CHCHD6: variants seen among roughly 807,000 people sequenced by gnomAD.
The protein encoded by CHCHD6 is MICOS complex subunit MIC25.
A neutral mutation model predicts 32.3 loss-of-function variants in CHCHD6; 28 were observed. The ratio of observed to expected loss-of-function variants is 0.87; its 90% CI spans 0.64 to 1.19. The LOEUF is 1.19. Among genes scored for constraint, CHCHD6 ranks in the 50% most tolerant of loss-of-function variants. The pLI is 0.00. For synonymous variants in CHCHD6, 122 were observed against 117.5 expected, an observed-to-expected ratio of 1.04 and a Z score of -0.25; for missense variants, 333 against 307.0, an observed-to-expected ratio of 1.08 and a Z score of -0.63.
At chr3:126,956,483 G>A (rs1360504485) in intron 6 of CHCHD6, among the ~76,000 whole-genome samples, 4 of 152,228 alleles carry the variant, frequency 2.6e-5, no homozygotes. Context: ...CATGATGAAC[G>A]ATAGTGTCTG....
intron 5 of CHCHD6, among the ~76,000 whole-genome samples, chr3:126,856,000 C>T (rs1025290786): frequency 6.6e-6 from 1 of 152,166 alleles, no homozygotes; most frequent in African/African-American, 2.4e-5. Context: ...CTAACAGGTT[C>T]TACCTGGCAA....
intron 4 of CHCHD6, among the ~76,000 whole-genome samples, chr3:126,768,773 A>G (rs894642938): frequency 6.6e-6 from 1 of 152,146 alleles, no homozygotes; most frequent in Non-Finnish European, 1.5e-5. Context: ...CTGGTGTAAG[A>G]TGGTATCTCA....
At chr3:126,887,526 C>G (rs906689757) in intron 5 of CHCHD6, among the ~76,000 whole-genome samples, 54 of 152,284 alleles carry the variant, frequency 3.5e-4, no homozygotes, top group African/African-American at 1.1e-3. Flanking sequence ...GCTTACTCCC[C>G]CTAGCCCTGT....
chr3:126,946,470 G>A (rs948153876), intron 6 of CHCHD6, among the ~76,000 whole-genome samples: 1 of 152,198 alleles, frequency 6.6e-6, no homozygotes, highest in East Asian at 1.9e-4. Context: ...GCTCGTTTGT[G>A]TCTCAGGCCC....
At chr3:126,741,080 G>A (rs947844259) in intron 4 of CHCHD6, among the ~76,000 whole-genome samples, 2 of 152,128 alleles carry the variant, frequency 1.3e-5, no homozygotes, top group East Asian at 1.9e-4. Flanking sequence ...TATATGTACA[G>A]TGCCTGGTGT....
intron 5 of CHCHD6, among the ~76,000 whole-genome samples, chr3:126,913,026 G>A (rs1022146785): frequency 7.2e-5 from 11 of 152,096 alleles, no homozygotes; most frequent in African/African-American, 2.4e-4. Flanking sequence ...GTGCCTGGTG[G>A]GCGGAGAGAG....
At chr3:126,797,884 AAGAGTAAC>A (rs1333179111) in intron 4 of CHCHD6, among the ~76,000 whole-genome samples, 10 of 152,008 alleles carry the variant, frequency 6.6e-5, no homozygotes, top group Non-Finnish European at 1.2e-4. Flanking sequence ...AAGGAAGAAG[AAGAGTAAC>A]AGGGCGCCTC....
chr3:126,811,935 G>A (rs1267268582), intron 4 of CHCHD6, among the ~76,000 whole-genome samples: 1 of 152,158 alleles, frequency 6.6e-6, no homozygotes, highest in Non-Finnish European at 1.5e-5. Context: ...TAGCCATGCA[G>A]CAACATAGTA....
At chr3:126,764,206 T>C (rs1241164550) in intron 4 of CHCHD6, among the ~76,000 whole-genome samples, 2 of 144,914 alleles carry the variant, frequency 1.4e-5, no homozygotes, top group African/African-American at 5.1e-5. Flanking sequence ...CATGCATATA[T>C]ATATATATAT....
At chr3:126,919,105 A>G (rs917792230) in intron 6 of CHCHD6, among the ~76,000 whole-genome samples, 16 of 152,148 alleles carry the variant, frequency 1.1e-4, no homozygotes, top group African/African-American at 3.9e-4. Flanking sequence ...AACTTGATTT[A>G]TGGTCCAGTA....
Position 126,766,527 on chromosome 3 carries a change from G to C in CHCHD6, c.411+33305G>C, listed in dbSNP as rs1393648002. ...TTGGTGTCACCAAAGAGTGTGAGTA[G>C]CCCATGGTGACCTCTGAGAAAATGC... On this transcript the variant is annotated intron_variant, in intron 4 of 7. Coordinates refer to ENST00000290913, the MANE Select transcript of CHCHD6 (RefSeq NM_032343.3). The C allele has an allele frequency of 6.0e-6, 5 of 829,704 alleles. No homozygotes were observed. In the East Asian group the frequency reaches 1.3e-4, roughly 21 times the overall value. The allele number at this position is 829,704 out of a possible 1,614,324, so 51.4% of individuals were successfully genotyped here. A position where few individuals can be genotyped will look rare whatever the true frequency, so the allele number is the denominator to read the frequency against.
chr3:126,836,831 T>C (rs1374157549), intron 4 of CHCHD6, among the ~76,000 whole-genome samples: 2 of 152,206 alleles, frequency 1.3e-5, no homozygotes, highest in Non-Finnish European at 2.9e-5. Context: ...TCATGGCACA[T>C]GCCCAGGAAG....
chr3:126,831,732 C>T (rs566986131), intron 4 of CHCHD6, among the ~76,000 whole-genome samples: 13 of 152,120 alleles, frequency 8.5e-5, no homozygotes, highest in Non-Finnish European at 1.3e-4. Context: ...AATTTCCGTG[C>T]GAAAGGGGAG....
At chr3:126,959,114 A>G (rs1381884441) in intron 7 of CHCHD6, among the ~76,000 whole-genome samples, 3 of 152,172 alleles carry the variant, frequency 2.0e-5, no homozygotes, top group Non-Finnish European at 4.4e-5. Flanking sequence ...TCTTTAACAA[A>G]CACACCTCAC....
chr3:126,729,756 C>T lies in CHCHD6; in HGVS notation c.197-805C>T, dbSNP rs377159959. Among the ~76,000 whole-genome samples, 52 of 152,252 alleles carry T rather than the reference C, an allele frequency of 3.4e-4. 1 individual carries two copies. The highest frequency in any genetic ancestry group is 3.4e-3 in the Middle Eastern group (1 of 292). On this transcript the variant is annotated intron_variant, in intron 2 of 7. Transcript: ENST00000290913. ...GGTGGAGTCGCACACCCTCATTGAGCGCCTCACACAGCCTGGTTCTTATGT... is the reference window on the plus strand; with the variant it reads ...GGTGGAGTCGCACACCCTCATTGAGTGCCTCACACAGCCTGGTTCTTATGT...
At chr3:126,956,020 G>A (rs1404000349) in intron 6 of CHCHD6, among the ~76,000 whole-genome samples, 1 of 152,188 alleles carries the variant, frequency 6.6e-6, no homozygotes, top group African/African-American at 2.4e-5. Flanking sequence ...CTAAATATGG[G>A]GTCCTGTTCC....
chr3:126,930,413 T>G (rs2078387322), intron 6 of CHCHD6, among the ~76,000 whole-genome samples: 1 of 152,222 alleles, frequency 6.6e-6, no homozygotes, highest in Non-Finnish European at 1.5e-5. Flanking sequence ...ATAGTTCTCT[T>G]GGTATTCCTG....
At chr3:126,882,478 C>T (rs2077623640) in intron 5 of CHCHD6, among the ~76,000 whole-genome samples, 1 of 152,206 alleles carries the variant, frequency 6.6e-6, no homozygotes, top group South Asian at 2.1e-4. Flanking sequence ...TGTCTCTGGC[C>T]TCAACTCCAA....
chr3:126,834,367 A>G (rs1359023018), intron 4 of CHCHD6, among the ~76,000 whole-genome samples: 1 of 152,172 alleles, frequency 6.6e-6, no homozygotes, highest in Non-Finnish European at 1.5e-5. Flanking sequence ...GTTTGGATGG[A>G]GAGAGAAGAC....
Sources: gnomAD v4.1 joint callset for allele counts (sites outside exome capture counted in the v4.1 genomes callset) on GRCh38, gnomAD v4.1.1 for gene constraint, MANE v1.5 for transcripts, NCBI Gene and HGNC (gene_info 2026-07-23, HGNC 2026-07-21) for gene names.